TRIM55: variants seen among roughly 807,000 people sequenced by gnomAD.
TRIM55 encodes the protein tripartite motif containing 55, also known as tripartite motif-containing protein 55.
Under a neutral mutation model 60.9 loss-of-function variants are expected in TRIM55, and 50 were observed. That is an observed-to-expected ratio of 0.82 (90% CI 0.65 to 1.04). TRIM55 has a LOEUF of 1.04. TRIM55 is among the 50% of genes least tolerant of loss of function. The probability of loss-of-function intolerance (pLI) is 0.00; values close to 1 mark genes in which losing one functional copy is unlikely to be tolerated. For synonymous variants in TRIM55, 237 were observed against 238.1 expected (o/e 1.00, Z 0.04); for missense variants, 681 against 666.9 (o/e 1.02, Z -0.23).
At chr8:66,113,570 C>A in the TRIM55 span, 28 of 456,184 alleles carry the variant, frequency 6.1e-5, no homozygotes, top group East Asian at 1.6e-3. Context: ...GCGCTTTCTC[C>A]CCATTTTGGG....
At chr8:66,139,525 G>A (rs1809682012) in intron 4 of TRIM55, among the ~76,000 whole-genome samples, 1 of 152,204 alleles carries the variant, frequency 6.6e-6, no homozygotes, top group East Asian at 1.9e-4. Flanking sequence ...ATGACAAGAA[G>A]GAACAGGTTT....
chr8:66,153,715 C>G (rs556351324), intron 8 of TRIM55, among the ~76,000 whole-genome samples: 2 of 152,262 alleles, frequency 1.3e-5, no homozygotes, highest in Admixed American at 1.3e-4. Flanking sequence ...ACAAATTATT[C>G]TAGTCAATAG....
chr8:66,117,952 A>G, the TRIM55 span, among the ~76,000 whole-genome samples: 2 of 151,762 alleles, frequency 1.3e-5, no homozygotes, highest in Non-Finnish European at 2.9e-5. Context: ...GGATCACGAG[A>G]TCAGGAGATC....
chr8:66,145,140 C>T (rs535901658), intron 4 of TRIM55, among the ~76,000 whole-genome samples: 226 of 152,180 alleles, frequency 1.5e-3, no homozygotes, highest in Middle Eastern at 3.4e-3. Context: ...GTCTTGAAGC[C>T]AAGAAAGATT....
chr8:66,123,244 C>T (rs188849853), upstream of TRIM55, among the ~76,000 whole-genome samples: 2 of 152,324 alleles, frequency 1.3e-5, no homozygotes, highest in Admixed American at 1.3e-4. Flanking sequence ...GCTGTCCCAT[C>T]TTTCAGACCA....
At chr8:66,125,148 G>C (rs1808771808), upstream of TRIM55, among the ~76,000 whole-genome samples, 1 of 152,072 alleles carries the variant, frequency 6.6e-6, no homozygotes, top group Non-Finnish European at 1.5e-5. Flanking sequence ...AAATATTAAA[G>C]CCTTCGAAAT....
intron 9 of TRIM55, among the ~76,000 whole-genome samples, chr8:66,173,015 G>A (rs954428822): frequency 2.6e-5 from 4 of 152,130 alleles, no homozygotes; most frequent in African/African-American, 9.7e-5. Context: ...ATTATGGTGG[G>A]CAAGGAAGGA....
At chr8:66,116,342 C>T in the TRIM55 span, among the ~76,000 whole-genome samples, 1 of 152,086 alleles carries the variant, frequency 6.6e-6, no homozygotes, top group African/African-American at 2.4e-5. Flanking sequence ...CATGGTGGCT[C>T]ATGCCTATAA....
Position 66,160,227 on chromosome 8 carries a change from A to G in TRIM55, c.1524+5893A>G, listed in dbSNP as rs142578377. Among the ~76,000 whole-genome samples, 1,518 of 152,230 alleles carry G rather than the reference A, an allele frequency of 1.0e-2. 31 individuals are homozygous for G. Among genetic ancestry groups the G allele is most frequent in the African/African-American group, 0.035 (1,452 of 41,540 alleles). On this transcript the variant is annotated intron_variant, in intron 9 of 9. Transcript: ENST00000315962. The stretch of plus-strand genomic sequence containing the variant: ...TCCTTATAGCTTAGCTCCCACATAT[A>G]AGTGAGAACATACAATGTTTGGTTT...
At chr8:66,131,935 T>C (rs1224660274) in intron 2 of TRIM55, among the ~76,000 whole-genome samples, 1 of 152,252 alleles carries the variant, frequency 6.6e-6, no homozygotes, top group African/African-American at 2.4e-5. Context: ...TTTATTTCCT[T>C]ATCCTCATTT....
intron 9 of TRIM55, among the ~76,000 whole-genome samples, chr8:66,161,407 C>G (rs975347925): frequency 1.3e-5 from 2 of 152,082 alleles, no homozygotes; most frequent in African/African-American, 4.8e-5. Flanking sequence ...ATACCAGTAC[C>G]ATGCTGTTTT....
intron 9 of TRIM55, among the ~76,000 whole-genome samples, chr8:66,171,970 G>GGGGTT (rs10630107): frequency 2.2e-4 from 33 of 151,568 alleles, no homozygotes; most frequent in African/African-American, 7.8e-4. Flanking sequence ...TTTCTTATTG[G>GGGGTT]GGTGCTATTG....
intron 4 of TRIM55, among the ~76,000 whole-genome samples, chr8:66,147,878 T>TA (rs1156517149): frequency 1.3e-5 from 2 of 151,216 alleles, no homozygotes; most frequent in Non-Finnish European, 2.9e-5. Context: ...CTCTGTGTCC[T>TA]AGGCAGACCC....
At chr8:66,173,426 T>C (rs970629456) in intron 9 of TRIM55, among the ~76,000 whole-genome samples, 1 of 152,214 alleles carries the variant, frequency 6.6e-6, no homozygotes, top group Non-Finnish European at 1.5e-5. Flanking sequence ...TAAAACAACA[T>C]ACTTAACCAA....
chr8:66,121,768 A>G, the TRIM55 span, among the ~76,000 whole-genome samples: 7 of 152,204 alleles, frequency 4.6e-5, no homozygotes, highest in African/African-American at 7.2e-5. Flanking sequence ...CACTGAATCT[A>G]TTCTGGTTCT....
At chr8:66,144,148 T>C (rs564513258) in intron 4 of TRIM55, among the ~76,000 whole-genome samples, 12 of 152,328 alleles carry the variant, frequency 7.9e-5, no homozygotes, top group African/African-American at 2.9e-4. Flanking sequence ...CAACAATGGC[T>C]TTAGGTCAAT....
At chr8:66,132,786 T>C (rs1809239672) in intron 2 of TRIM55, among the ~76,000 whole-genome samples, 1 of 151,352 alleles carries the variant, frequency 6.6e-6, no homozygotes, top group African/African-American at 2.5e-5. Flanking sequence ...AAGTGGTGCC[T>C]CTGGGGCTGG....
intron 5 of TRIM55, 62 bp downstream of exon 5, chr8:66,149,940 C>T: frequency 7.7e-7 from 1 of 1,302,240 alleles, no homozygotes; most frequent in Non-Finnish European, 1.1e-6. Flanking sequence ...AATTAGTTAT[C>T]ACATTTTTAT....
At chr8:66,121,970 G>A (rs1019820229), upstream of TRIM55, among the ~76,000 whole-genome samples, 1 of 152,098 alleles carries the variant, frequency 6.6e-6, no homozygotes, top group African/African-American at 2.4e-5. Flanking sequence ...TGGACCCTGT[G>A]AATGATTTGG....
Sources: gnomAD v4.1 joint callset for allele counts (sites outside exome capture counted in the v4.1 genomes callset) on GRCh38, gnomAD v4.1.1 for gene constraint, MANE v1.5 for transcripts, NCBI Gene and HGNC (gene_info 2026-07-23, HGNC 2026-07-21) for gene names.